Variants in TP53BP1 observed in about 807,000 individuals in gnomAD.
The protein encoded by TP53BP1 is TP53-binding protein 1.
In TP53BP1, 61 loss-of-function variants were observed where a neutral mutation model predicts 200.8. That is an observed-to-expected ratio of 0.30 (90% CI 0.25 to 0.38). The LOEUF is 0.38. Among genes scored for constraint, TP53BP1 ranks in the 10% least tolerant of loss-of-function variants. TP53BP1 has a pLI of 1.00. For missense variants in TP53BP1, 2,144 were observed against 2,371.9 expected (o/e 0.90, Z 2.00); for synonymous variants, 822 against 844.3 (o/e 0.97, Z 0.46).
At chr15:43,507,215 AC>A (rs1047423760) in intron 1 of TP53BP1, among the ~76,000 whole-genome samples, 23 of 151,368 alleles carry the variant, frequency 1.5e-4, no homozygotes, top group African/African-American at 4.4e-4. Context: ...ACTCACTGCA[AC>A]CTCCACTTCC....
chr15:43,492,248 A>G (rs1423779256), intron 2 of TP53BP1, 36 bp downstream of exon 2: 9 of 1,577,476 alleles, frequency 5.7e-6, no homozygotes, highest in African/African-American at 1.4e-5. Flanking sequence ...AAAAAAAAAA[A>G]TCTGCTCAAT....
At chr15:43,464,741 TA>T (rs1187318833) in intron 11 of TP53BP1, among the ~76,000 whole-genome samples, 15 of 146,802 alleles carry the variant, frequency 1.0e-4, no homozygotes, top group African/African-American at 1.5e-4. Flanking sequence ...CCGTCTCTAC[TA>T]AAAAAAAAAT....
chr15:43,428,759 C>A (rs1435695331), intron 17 of TP53BP1, among the ~76,000 whole-genome samples: 2 of 152,164 alleles, frequency 1.3e-5, no homozygotes, highest in Admixed American at 1.3e-4. Context: ...GAGCTAGTGT[C>A]CAGAAATGGA....
intron 7 of TP53BP1, 133 bp from the exon 8 acceptor site, chr15:43,477,892 A>G (rs1448783475): frequency 1.6e-6 from 1 of 638,374 alleles, no homozygotes; most frequent in Non-Finnish European, 2.5e-6. Flanking sequence ...ATAATTATAT[A>G]TTAAAAAGGA....
upstream of TP53BP1, chr15:43,493,288 G>A: frequency 1.5e-6 from 2 of 1,333,678 alleles, no homozygotes; most frequent in African/African-American, 1.5e-5. Context: ...GAACACGGCG[G>A]CGCGTTTCCA....
rs769564489 is a variant in TP53BP1, at chr15:43,404,531, A to G, written c.*2852T>C. On this transcript the variant is annotated 3_prime_UTR_variant, in exon 28 of 28. Coordinates refer to ENST00000382044, the MANE Select transcript of TP53BP1 (RefSeq NM_001141980.3). ...CTAGATTATAACAAATACTATACCC[A>G]GGCTGGTGGAACTCTGGGCAGGTAG... The G allele has an allele frequency of 6.2e-7, 1 of 1,614,182 alleles. No homozygotes were observed. The highest frequency in any genetic ancestry group is 8.5e-7 in the Non-Finnish European group (1 of 1,180,018).
intron 23 of TP53BP1, chr15:43,415,176 G>C (rs972798328): frequency 3.7e-6 from 1 of 272,134 alleles, no homozygotes; most frequent in Non-Finnish European, 7.2e-6. Flanking sequence ...AGTAGTCAAA[G>C]AATGGTGTGA....
chr15:43,507,140 CTT>C (rs113197829), intron 1 of TP53BP1, among the ~76,000 whole-genome samples: 3 of 145,810 alleles, frequency 2.1e-5, no homozygotes, highest in Admixed American at 1.4e-4. Context: ...GTCCAATTCT[CTT>C]TTTTTTTTTT....
At chr15:43,407,885 A>T in intron 27 of TP53BP1, 58 bp downstream of exon 27, 1 of 1,535,260 alleles carries the variant, frequency 6.5e-7, no homozygotes, top group Non-Finnish European at 8.8e-7. Flanking sequence ...AAGGCCTAAC[A>T]CCTACAGGTC....
At position 43,413,141 on chromosome 15, in the gene TP53BP1, T is replaced by A. The variant is rs758538859; in HGVS notation, c.5283A>T (p.Thr1761=). Reference sequence around the variant, plus strand: ...TACCCTCCTCTTCTTCACTGCTTCCTGTAGGACCATCTGGCAGTTTGGAGC... The same window carrying A: ...TACCCTCCTCTTCTTCACTGCTTCCAGTAGGACCATCTGGCAGTTTGGAGC... ...ASRSKLPDGP[T]GSSEEEEEFL... is the part of the protein sequence containing the mutation. The change falls in exon 24 of 28, where the codon ACA becomes ACT. Residue 1761 remains threonine, a synonymous_variant. Coordinates refer to ENST00000382044, the MANE Select transcript of TP53BP1 (RefSeq NM_001141980.3). The A allele has an allele frequency of 1.2e-6, 2 of 1,614,190 alleles. No homozygotes were observed. Among genetic ancestry groups the A allele is most frequent in the Non-Finnish European group, 8.5e-7 (1 of 1,180,016 alleles).
chr15:43,437,559 G>A (rs1430557340), intron 16 of TP53BP1, among the ~76,000 whole-genome samples: 2 of 151,996 alleles, frequency 1.3e-5, no homozygotes, highest in Non-Finnish European at 2.9e-5. Context: ...AGGCTTCAGT[G>A]AGCCATGTTC....
At chr15:43,490,766 C>G (rs1306079047) in intron 4 of TP53BP1, among the ~76,000 whole-genome samples, 1 of 152,152 alleles carries the variant, frequency 6.6e-6, no homozygotes, top group African/African-American at 2.4e-5. Flanking sequence ...GCAATGTACT[C>G]TAAAGCAAGT....
chr15:43,470,986 A>G (rs2046710559), intron 10 of TP53BP1, among the ~76,000 whole-genome samples: 2 of 152,224 alleles, frequency 1.3e-5, no homozygotes, highest in Admixed American at 1.3e-4. Context: ...GGCCTTTAAT[A>G]TACTACCATA....
At chr15:43,469,562 A>C (rs1271526234) in intron 11 of TP53BP1, among the ~76,000 whole-genome samples, 3 of 152,202 alleles carry the variant, frequency 2.0e-5, no homozygotes, top group African/African-American at 7.2e-5. Context: ...TTACAGTAAC[A>C]GTTGTGTTAA....
At chr15:43,488,662 G>C (rs1038069148) in intron 4 of TP53BP1, among the ~76,000 whole-genome samples, 5 of 152,342 alleles carry the variant, frequency 3.3e-5, no homozygotes, top group African/African-American at 9.6e-5. Context: ...GGGAGACTGA[G>C]GCAAGTGGAT....
At chr15:43,499,668 C>T (rs562601432) in intron 1 of TP53BP1, among the ~76,000 whole-genome samples, 1 of 152,296 alleles carries the variant, frequency 6.6e-6, no homozygotes, top group South Asian at 2.1e-4. Flanking sequence ...GCACATCACA[C>T]AGAGTCTCAA....
At chr15:43,414,586 G>A (rs1265261154) in intron 23 of TP53BP1, among the ~76,000 whole-genome samples, 1 of 152,162 alleles carries the variant, frequency 6.6e-6, no homozygotes, top group African/African-American at 2.4e-5. Flanking sequence ...AGCTGGGCCT[G>A]GGTCACAGTA....
chr15:43,457,546 C>T (rs1349958256), intron 11 of TP53BP1, among the ~76,000 whole-genome samples: 1 of 151,598 alleles, frequency 6.6e-6, no homozygotes, highest in South Asian at 2.1e-4. Flanking sequence ...GTGGTGGGCA[C>T]CTGTAATCCC....
Position 43,408,019 on chromosome 15 carries a change from C to T in TP53BP1, c.5670G>A (p.Leu1890=), listed in dbSNP as rs1566911052. Residue 1890 remains leucine, a synonymous_variant, in exon 27 of 28, where the codon CTG becomes CTA. Coordinates refer to ENST00000382044, the MANE Select transcript of TP53BP1 (RefSeq NM_001141980.3). ...LLVSDQQQNF[L]ELWSEILMTG... ...TCATGAGGATCTCAGACCAGAGCTC[C>T]AGGAAGTTCTGCTGTTGGTCTGATA... The T allele has an allele frequency of 1.9e-6, 3 of 1,614,126 alleles. No homozygotes were observed. The highest frequency in any genetic ancestry group is 4.5e-5 in the East Asian group (2 of 44,880).
Sources: gnomAD v4.1 joint callset for allele counts (sites outside exome capture counted in the v4.1 genomes callset) on GRCh38, gnomAD v4.1.1 for gene constraint, MANE v1.5 for transcripts, NCBI Gene and HGNC (gene_info 2026-07-23, HGNC 2026-07-21) for gene names.